FHIT: variants seen among roughly 807,000 people sequenced by gnomAD.
The protein encoded by FHIT is bis(5'-adenosyl)-triphosphatase.
FHIT carries 19 observed loss-of-function variants against 17.9 expected under a neutral mutation model. The ratio of observed to expected loss-of-function variants is 1.06; its 90% CI spans 0.74 to 1.56. FHIT has a LOEUF of 1.56. Ranked by LOEUF, FHIT falls within the 40% of genes most tolerant of loss-of-function variation. The probability of loss-of-function intolerance (pLI) is 0.00; values close to 1 mark genes in which losing one functional copy is unlikely to be tolerated. For missense variants in FHIT, 248 were observed against 189.2 expected, an observed-to-expected ratio of 1.31 and a Z score of -1.82; for synonymous variants, 81 against 69.7, an observed-to-expected ratio of 1.16 and a Z score of -0.81.
intron 7 of FHIT, among the ~76,000 whole-genome samples, chr3:59,975,750 A>G (rs1035215305): frequency 5.3e-5 from 8 of 152,106 alleles, no homozygotes; most frequent in Admixed American, 5.2e-4. Flanking sequence ...TTCTGTGAGC[A>G]TGTGGGAGCC....
At chr3:60,486,672 A>C (rs1250263694) in intron 5 of FHIT, among the ~76,000 whole-genome samples, 2 of 152,172 alleles carry the variant, frequency 1.3e-5, no homozygotes, top group Admixed American at 1.3e-4. Flanking sequence ...AATAACTTCA[A>C]ATATCAGCTT....
intron 5 of FHIT, among the ~76,000 whole-genome samples, chr3:60,435,256 G>T (rs980672207): frequency 6.6e-6 from 1 of 152,080 alleles, no homozygotes; most frequent in African/African-American, 2.4e-5. Flanking sequence ...AATAGAAAAA[G>T]TATGCAAATA....
intron 4 of FHIT, among the ~76,000 whole-genome samples, chr3:60,733,905 T>C (rs2042082752): frequency 6.6e-6 from 1 of 152,216 alleles, no homozygotes; most frequent in Admixed American, 6.5e-5. Context: ...CTATACTTGA[T>C]GCATTTCTGG....
At chr3:61,166,067 T>C (rs1010184146) in intron 2 of FHIT, among the ~76,000 whole-genome samples, 4 of 152,164 alleles carry the variant, frequency 2.6e-5, no homozygotes, top group African/African-American at 7.2e-5. Context: ...CTCTTAGGAA[T>C]TGGGCAGGAG....
At chr3:60,578,450 C>A (rs1553658437) in intron 4 of FHIT, among the ~76,000 whole-genome samples, 1 of 150,742 alleles carries the variant, frequency 6.6e-6, no homozygotes, top group East Asian at 1.9e-4. Context: ...AACACACACA[C>A]ACACACACAC....
chr3:60,341,741 C>T (rs944347632), intron 5 of FHIT, among the ~76,000 whole-genome samples: 1 of 152,142 alleles, frequency 6.6e-6, no homozygotes, highest in African/African-American at 2.4e-5. Context: ...ACAGATGTTA[C>T]AGTGAATTTC....
chr3:60,507,527 T>C (rs2034783650), intron 5 of FHIT, among the ~76,000 whole-genome samples: 1 of 152,230 alleles, frequency 6.6e-6, no homozygotes, highest in Admixed American at 6.5e-5. Context: ...ACAACAAAAC[T>C]TGTATTTTAA....
intron 6 of FHIT, among the ~76,000 whole-genome samples, 173 bp from the exon 7 acceptor site, chr3:60,011,573 G>A (rs7622712): frequency 0.073 from 8,772 of 120,528 alleles, 360 homozygotes; most frequent in Non-Finnish European, 0.11. Context: ...CTCCATTTCC[G>A]CCTGAGAGTA....
intron 3 of FHIT, among the ~76,000 whole-genome samples, chr3:60,888,062 G>A (rs34700535): frequency 0.21 from 32,471 of 151,968 alleles, 3,736 homozygotes; most frequent in Middle Eastern, 0.28. Flanking sequence ...AATTAAGTCC[G>A]GCCTGAAATC....
intron 5 of FHIT, among the ~76,000 whole-genome samples, chr3:60,447,949 A>C (rs1170587251): frequency 6.6e-6 from 1 of 152,192 alleles, no homozygotes; most frequent in African/African-American, 2.4e-5. Context: ...TGCAGAAGAA[A>C]GTAAAAGAGA....
intron 7 of FHIT, among the ~76,000 whole-genome samples, chr3:59,961,059 T>G (rs557259931): frequency 3.9e-5 from 6 of 152,336 alleles, no homozygotes; most frequent in Admixed American, 2.6e-4. Context: ...ATGAGGGGAC[T>G]GAATCGTGAA....
chr3:60,011,926 T>C (rs947845852), intron 6 of FHIT, among the ~76,000 whole-genome samples: 1 of 152,168 alleles, frequency 6.6e-6, no homozygotes. Context: ...GTTCCCTTTC[T>C]CTGTTTCTGA....
intron 2 of FHIT, among the ~76,000 whole-genome samples, chr3:61,171,433 T>G (rs1170659457): frequency 1.3e-5 from 2 of 152,212 alleles, no homozygotes; most frequent in African/African-American, 4.8e-5. Flanking sequence ...CCTTTTGTTA[T>G]GCAGAAGCTC....
intron 4 of FHIT, among the ~76,000 whole-genome samples, chr3:60,663,951 G>A (rs1373462484): frequency 6.6e-6 from 1 of 152,128 alleles, no homozygotes; most frequent in African/African-American, 2.4e-5. Flanking sequence ...TACAAAGAGA[G>A]ATTTATTTCA....
At chr3:60,514,969 G>A (rs2035095549) in intron 5 of FHIT, among the ~76,000 whole-genome samples, 2 of 151,670 alleles carry the variant, frequency 1.3e-5, no homozygotes, top group South Asian at 2.1e-4. Context: ...AAGAGCATGT[G>A]AGCAGAGGCC....
intron 7 of FHIT, among the ~76,000 whole-genome samples, chr3:59,953,834 C>T (rs1294203344): frequency 6.6e-6 from 1 of 152,176 alleles, no homozygotes; most frequent in Non-Finnish European, 1.5e-5. Flanking sequence ...ATCCTGTACC[C>T]CGAGTGTGTG....
At chr3:60,759,793 G>A (rs544097860) in intron 4 of FHIT, among the ~76,000 whole-genome samples, 13 of 152,314 alleles carry the variant, frequency 8.5e-5, no homozygotes, top group Admixed American at 3.9e-4. Context: ...TCTGAGAAGC[G>A]GTGGGGATGA....
intron 2 of FHIT, among the ~76,000 whole-genome samples, chr3:61,160,356 G>A (rs1350196249): frequency 1.3e-5 from 2 of 152,154 alleles, no homozygotes; most frequent in African/African-American, 4.8e-5. Flanking sequence ...TCTTCCATTA[G>A]AGGAAAAAAT....
At chr3:59,887,236 C>G (rs557625682) in intron 8 of FHIT, among the ~76,000 whole-genome samples, 1 of 152,268 alleles carries the variant, frequency 6.6e-6, no homozygotes, top group East Asian at 1.9e-4. Context: ...ATATTAAAAA[C>G]GAACCAGAGC....
Sources: allele counts gnomAD v4.1 joint callset (sites outside exome capture counted in the v4.1 genomes callset), GRCh38; gene constraint gnomAD v4.1.1; transcripts MANE v1.5; gene names NCBI Gene and HGNC (gene_info 2026-07-23, HGNC 2026-07-21).